The following HPSE2 variants were observed in gnomAD, a reference collection of about 807,000 sequenced individuals.
HPSE2 encodes the protein inactive heparanase-2.
Under a neutral mutation model 60.5 loss-of-function variants are expected in HPSE2, and 38 were observed. The observed-to-expected ratio is 0.63, with a 90% CI of 0.48 to 0.82. The LOEUF (loss-of-function observed/expected upper bound fraction) is 0.82. Ranked by LOEUF, HPSE2 falls within the 40% of genes least tolerant of loss-of-function variation. The pLI is 0.00. For synonymous variants in HPSE2, 295 were observed against 293.2 expected (o/e 1.01, Z -0.06); for missense variants, 713 against 740.4 (o/e 0.96, Z 0.43).
intron 10 of HPSE2, 53 bp downstream of exon 10, chr10:98,489,998 T>C (rs2133677336): frequency 6.2e-7 from 1 of 1,609,104 alleles, no homozygotes; most frequent in Non-Finnish European, 8.5e-7. Flanking sequence ...TCCCAAATGG[T>C]ATGGGGTGGG....
chr10:98,579,063 T>G (rs545206540), intron 9 of HPSE2, among the ~76,000 whole-genome samples: 1 of 151,034 alleles, frequency 6.6e-6, no homozygotes, highest in Admixed American at 6.7e-5. Flanking sequence ...CTATACCAAT[T>G]AGCTTATATG....
At chr10:98,606,045 T>C (rs983918711) in intron 9 of HPSE2, among the ~76,000 whole-genome samples, 45 of 152,194 alleles carry the variant, frequency 3.0e-4, no homozygotes, top group Non-Finnish European at 5.6e-4. Flanking sequence ...TTGTAATTAA[T>C]TGTTAGTTTA....
At chr10:98,835,192 G>A (rs1951764526) in intron 3 of HPSE2, among the ~76,000 whole-genome samples, 1 of 152,034 alleles carries the variant, frequency 6.6e-6, no homozygotes. Context: ...GAAATACAGA[G>A]GACAGATGAA....
intron 3 of HPSE2, among the ~76,000 whole-genome samples, chr10:98,767,444 A>G (rs1416530346): frequency 6.6e-6 from 1 of 151,100 alleles, no homozygotes; most frequent in Non-Finnish European, 1.5e-5. Context: ...ATAGTACTAT[A>G]CAATTTATTA....
At chr10:99,084,251 A>G (rs1471363557) in intron 3 of HPSE2, among the ~76,000 whole-genome samples, 1 of 152,188 alleles carries the variant, frequency 6.6e-6, no homozygotes, top group Non-Finnish European at 1.5e-5. Context: ...CTTGGTAACC[A>G]GTGCATTTAA....
chr10:98,544,188 G>A (rs1943571714), intron 9 of HPSE2, among the ~76,000 whole-genome samples: 1 of 152,120 alleles, frequency 6.6e-6, no homozygotes, highest in African/African-American at 2.4e-5. Context: ...ACCCAAAACT[G>A]CTCAAGTACA....
At chr10:98,781,186 T>C (rs1441512949) in intron 3 of HPSE2, among the ~76,000 whole-genome samples, 1 of 151,992 alleles carries the variant, frequency 6.6e-6, no homozygotes, top group African/African-American at 2.4e-5. Context: ...TGCTACAGCA[T>C]AGCATAGCTT....
intron 6 of HPSE2, among the ~76,000 whole-genome samples, chr10:98,672,489 T>C (rs1192506721): frequency 6.6e-6 from 1 of 152,208 alleles, no homozygotes; most frequent in Non-Finnish European, 1.5e-5. Flanking sequence ...GTTTCAAAGA[T>C]GATGATGGCG....
At chr10:99,297,616 GTTAA>G in the HPSE2 span, among the ~76,000 whole-genome samples, 1 of 152,096 alleles carries the variant, frequency 6.6e-6, no homozygotes, top group Non-Finnish European at 1.5e-5. Context: ...TTAACTTTCT[GTTAA>G]TTGTGTGTGG....
At chr10:98,996,837 A>G (rs1357465987) in intron 3 of HPSE2, among the ~76,000 whole-genome samples, 1 of 152,216 alleles carries the variant, frequency 6.6e-6, no homozygotes, top group Non-Finnish European at 1.5e-5. Context: ...AGTGATAGAA[A>G]TCAGATGAGT....
At position 99,070,801 on chromosome 10, in the gene HPSE2, C is replaced by T. The variant is rs1394463590; in HGVS notation, c.610+73437G>A. On this transcript the variant is annotated intron_variant, in intron 3 of 11. Coordinates refer to ENST00000370552, the MANE Select transcript of HPSE2 (RefSeq NM_021828.5). ...GGTTTATTTGACTTAGCATAATGTCCTCCAGTTTCATCCATGTTGCTGCAT... is the reference window on the plus strand; with the variant it reads ...GGTTTATTTGACTTAGCATAATGTCTTCCAGTTTCATCCATGTTGCTGCAT... Among the ~76,000 whole-genome samples, 3 of 152,098 alleles carry T rather than the reference C, an allele frequency of 2.0e-5. No homozygotes were observed. In the East Asian group the frequency reaches 5.8e-4, roughly 29 times the overall value.
chr10:98,811,373 G>A (rs184449010), intron 3 of HPSE2, among the ~76,000 whole-genome samples: 2 of 152,230 alleles, frequency 1.3e-5, no homozygotes, highest in Non-Finnish European at 2.9e-5. Flanking sequence ...GTGACAGTGT[G>A]TTTGTTTATT....
the HPSE2 span, among the ~76,000 whole-genome samples, chr10:99,250,595 G>T: frequency 6.6e-6 from 1 of 152,052 alleles, no homozygotes. Flanking sequence ...GGTCGACCAC[G>T]TGCTAGGCCA....
chr10:98,989,873 T>G (rs1956480764), intron 3 of HPSE2, among the ~76,000 whole-genome samples: 1 of 152,188 alleles, frequency 6.6e-6, no homozygotes, highest in South Asian at 2.1e-4. Context: ...TTTGTTGGCA[T>G]TCTTAGAGTC....
At chr10:98,950,610 T>C (rs984409270) in intron 3 of HPSE2, among the ~76,000 whole-genome samples, 5 of 152,220 alleles carry the variant, frequency 3.3e-5, no homozygotes, top group Admixed American at 3.3e-4. Context: ...TCTTTCATGC[T>C]GATTTTCTTA....
At chr10:99,263,357 A>C in the HPSE2 span, among the ~76,000 whole-genome samples, 1 of 152,154 alleles carries the variant, frequency 6.6e-6, no homozygotes, top group African/African-American at 2.4e-5. Context: ...AAAGGACTAC[A>C]TGTCAATATT....
At chr10:98,986,010 C>T (rs181400003) in intron 3 of HPSE2, among the ~76,000 whole-genome samples, 1 of 152,132 alleles carries the variant, frequency 6.6e-6, no homozygotes, top group African/African-American at 2.4e-5. Context: ...TAGAGACCTA[C>T]AAACAGACTT....
intron 3 of HPSE2, among the ~76,000 whole-genome samples, chr10:99,057,100 G>T (rs1169272393): frequency 6.6e-6 from 1 of 152,170 alleles, no homozygotes; most frequent in East Asian, 1.9e-4. Flanking sequence ...TGATGAAAAT[G>T]TTCTAGATCT....
chr10:99,045,124 A>C (rs1957826311), intron 3 of HPSE2, among the ~76,000 whole-genome samples: 1 of 152,136 alleles, frequency 6.6e-6, no homozygotes, highest in African/African-American at 2.4e-5. Context: ...CATAAACCAA[A>C]CTTCAATAAA....
Sources: allele counts gnomAD v4.1 joint callset (sites outside exome capture counted in the v4.1 genomes callset), GRCh38; gene constraint gnomAD v4.1.1; transcripts MANE v1.5; gene names NCBI Gene and HGNC (gene_info 2026-07-23, HGNC 2026-07-21).